SLC24A2: variants seen among roughly 807,000 people sequenced by gnomAD.
SLC24A2 encodes solute carrier family 24 member 2.
A neutral mutation model predicts 62.0 loss-of-function variants in SLC24A2; 36 were observed. The observed-to-expected ratio is 0.58, with a 90% CI of 0.44 to 0.77. The LOEUF (loss-of-function observed/expected upper bound fraction) is 0.77, where lower values mean the gene tolerates loss of function less well. Ranked by LOEUF, SLC24A2 falls within the 30% of genes least tolerant of loss-of-function variation. The pLI, the probability that SLC24A2 is intolerant of heterozygous loss-of-function variation, is 0.00. For missense variants in SLC24A2, 846 were observed against 817.9 expected, an observed-to-expected ratio of 1.03 and a Z score of -0.42; for synonymous variants, 358 against 294.0, an observed-to-expected ratio of 1.22 and a Z score of -2.23.
the SLC24A2 span, among the ~76,000 whole-genome samples, chr9:20,171,485 A>G: frequency 2.0e-5 from 3 of 152,022 alleles, no homozygotes; most frequent in Admixed American, 1.3e-4. Flanking sequence ...CCGAACACAT[A>G]AGGACTCACA....
the SLC24A2 span, among the ~76,000 whole-genome samples, chr9:20,153,032 A>C: frequency 6.6e-6 from 1 of 151,772 alleles, no homozygotes; most frequent in East Asian, 1.9e-4. Context: ...AACAGAGCTT[A>C]AGTTAAAACA....
At chr9:19,689,617 T>C (rs1819985440) in intron 2 of SLC24A2, among the ~76,000 whole-genome samples, 2 of 152,146 alleles carry the variant, frequency 1.3e-5, no homozygotes, top group Admixed American at 6.5e-5. Context: ...GCACATCTAA[T>C]ATAATCTTCA....
At chr9:20,163,070 G>C in the SLC24A2 span, among the ~76,000 whole-genome samples, 38,160 of 151,896 alleles carry the variant, frequency 0.25, 6,001 homozygotes, top group African/African-American at 0.45. Context: ...AAAACTGGCA[G>C]AAGACAGGGA....
At chr9:19,688,153 A>G (rs1819939734) in intron 2 of SLC24A2, among the ~76,000 whole-genome samples, 1 of 152,114 alleles carries the variant, frequency 6.6e-6, no homozygotes. Context: ...GTGCTATTAA[A>G]TGTGCAAAAT....
At chr9:19,639,715 T>C (rs748530) in intron 2 of SLC24A2, among the ~76,000 whole-genome samples, 113,381 of 152,196 alleles carry the variant, frequency 0.74, 42,331 homozygotes, top group East Asian at 0.86. Flanking sequence ...ATTCTCAAGT[T>C]TCACATAGGG....
the SLC24A2 span, among the ~76,000 whole-genome samples, chr9:19,940,146 C>G: frequency 5.9e-5 from 9 of 152,232 alleles, no homozygotes; most frequent in Non-Finnish European, 1.2e-4. Flanking sequence ...AGTGGCACCG[C>G]TTGCATTGTT....
chr9:20,140,147 GA>G, the SLC24A2 span, among the ~76,000 whole-genome samples: 3 of 152,182 alleles, frequency 2.0e-5, no homozygotes, highest in Non-Finnish European at 1.5e-5. Flanking sequence ...TGTTTGTTTA[GA>G]ATTTAATTTG....
chr9:19,515,843 G>T lies in SLC24A2; in HGVS notation c.*310C>A. The T allele has an allele frequency of 7.6e-6, 3 of 396,204 alleles. No homozygotes were observed. Among genetic ancestry groups the T allele is most frequent in the Non-Finnish European group, 1.4e-5 (3 of 208,328 alleles). 24.5% of individuals were successfully genotyped at this position (396,204 alleles called of 1,614,324 possible). A position where few individuals can be genotyped will look rare whatever the true frequency, so the allele number is the denominator to read the frequency against. ...ATATGTGTATTTATAGATATATATAGCCTGTGTCCTTGTTTGCATCGACTG... is the reference window on the plus strand; with the variant it reads ...ATATGTGTATTTATAGATATATATATCCTGTGTCCTTGTTTGCATCGACTG... On this transcript the variant is annotated 3_prime_UTR_variant, in exon 11 of 11. Coordinates refer to ENST00000341998, the MANE Select transcript of SLC24A2 (RefSeq NM_020344.4).
chr9:19,817,152 T>C, the SLC24A2 span, among the ~76,000 whole-genome samples: 1 of 152,084 alleles, frequency 6.6e-6, no homozygotes, highest in Admixed American at 6.6e-5. Flanking sequence ...CTCGGTTTCA[T>C]ATATCAAAAT....
rs776104330 is a variant in SLC24A2, at chr9:19,786,071, T to C, written c.796A>G (p.Ser266Gly). The C allele has an allele frequency of 5.0e-6, 8 of 1,614,070 alleles. No homozygotes were observed. Among genetic ancestry groups the C allele is most frequent in the African/African-American group, 4.0e-5 (3 of 74,910 alleles). The change falls in exon 2 of 11, where the codon AGC becomes GGC. Residue 266 changes from serine to glycine, a missense_variant. Transcript: ENST00000341998. This position sits in a 1 kb window ranked among gnomAD's most constrained non-coding sequence, Gnocchi z 5.0. Reference sequence around the variant, plus strand: ...AAATAAGCTGTTAAGAGAAGCAAGCTTTCCCACCACATGATGACATTATCC... The same window carrying C: ...AAATAAGCTGTTAAGAGAAGCAAGCCTTCCCACCACATGATGACATTATCC... Reference protein sequence around the residue: ...FLDNVIMWWESLLLLTAYFCY... With the variant: ...FLDNVIMWWEGLLLLTAYFCY...
the SLC24A2 span, among the ~76,000 whole-genome samples, chr9:20,093,368 G>A: frequency 1.3e-5 from 2 of 151,774 alleles, no homozygotes; most frequent in Non-Finnish European, 1.5e-5. Flanking sequence ...CACCACGCCC[G>A]GCCTATTTTC....
At chr9:19,908,983 T>C in the SLC24A2 span, among the ~76,000 whole-genome samples, 1 of 152,148 alleles carries the variant, frequency 6.6e-6, no homozygotes, top group Admixed American at 6.5e-5. Context: ...CATTACTAGG[T>C]ATATACCCAA....
At chr9:20,061,696 C>T in the SLC24A2 span, among the ~76,000 whole-genome samples, 1 of 152,150 alleles carries the variant, frequency 6.6e-6, no homozygotes, top group East Asian at 1.9e-4. Flanking sequence ...CAAAATGGAT[C>T]ATCAATATCA....
intron 9 of SLC24A2, among the ~76,000 whole-genome samples, chr9:19,521,723 C>T (rs1032337622): frequency 1.3e-5 from 2 of 152,196 alleles, no homozygotes; most frequent in Non-Finnish European, 2.9e-5. Context: ...CATTGATCCT[C>T]ACTTTCTCAT....
the SLC24A2 span, among the ~76,000 whole-genome samples, chr9:19,975,338 T>C: frequency 4.6e-5 from 7 of 152,254 alleles, no homozygotes; most frequent in South Asian, 1.4e-3. Flanking sequence ...TATGGCAATC[T>C]CAAAAAAATC....
chr9:19,668,068 G>A (rs1819308395), intron 2 of SLC24A2, among the ~76,000 whole-genome samples: 1 of 152,056 alleles, frequency 6.6e-6, no homozygotes, highest in Admixed American at 6.5e-5. Flanking sequence ...CTTGGATGTG[G>A]AGGCTCTTTC....
At chr9:20,265,029 T>A in the SLC24A2 span, among the ~76,000 whole-genome samples, 1,312 of 152,342 alleles carry the variant, frequency 8.6e-3, 24 homozygotes, top group Admixed American at 0.03. Flanking sequence ...GCATGGGTCT[T>A]TCACCACCTG....
In SLC24A2 at chr9:19,541,464, A is replaced by C. The variant is rs372329444; in HGVS notation, c.1479+8673T>G. 2.0e-3 allele frequency among the ~76,000 whole-genome samples: 308 copies of C among 150,396 alleles called. 2 individuals are homozygous for C. Among genetic ancestry groups the C allele is most frequent in the African/African-American group, 6.8e-3 (273 of 40,096 alleles). On this transcript the variant is annotated intron_variant, in intron 8 of 10. Coordinates refer to ENST00000341998, the MANE Select transcript of SLC24A2 (RefSeq NM_020344.4). The stretch of plus-strand genomic sequence containing the variant: ...CTGCAGGTCTGTTGGAATACCCTGC[A>C]GTGTGAGGTGTCAGTGTGCCCCTGC...
the SLC24A2 span, among the ~76,000 whole-genome samples, chr9:20,125,271 C>T: frequency 6.6e-6 from 1 of 151,926 alleles, no homozygotes; most frequent in Non-Finnish European, 1.5e-5. Flanking sequence ...CTATTATGAC[C>T]TGGATATATG....
Sources: allele counts gnomAD v4.1 joint callset (sites outside exome capture counted in the v4.1 genomes callset), GRCh38; gene constraint gnomAD v4.1.1; non-coding constraint Gnocchi (gnomAD v3.1); transcripts MANE v1.5; gene names NCBI Gene and HGNC (gene_info 2026-07-23, HGNC 2026-07-21).